MACROD2: variants seen among roughly 807,000 people sequenced by gnomAD.
The protein encoded by MACROD2 is mono-ADP ribosylhydrolase 2.
Under a neutral mutation model 70.4 loss-of-function variants are expected in MACROD2, and 36 were observed. The observed-to-expected ratio is 0.51, with a 90% CI of 0.39 to 0.68. MACROD2 has a LOEUF of 0.68. Ranked by LOEUF, MACROD2 falls within the 30% of genes least tolerant of loss-of-function variation. MACROD2 has a pLI of 0.00. For missense variants in MACROD2, 496 were observed against 538.4 expected (o/e 0.92, Z 0.78); for synonymous variants, 172 against 178.8 (o/e 0.96, Z 0.30).
chr20:14,966,134 A>G (rs2074634240), intron 5 of MACROD2, among the ~76,000 whole-genome samples: 1 of 152,108 alleles, frequency 6.6e-6, no homozygotes, highest in Non-Finnish European at 1.5e-5. Context: ...GTGGTTTTAA[A>G]CTCCATAAGC....
At chr20:14,838,077 C>CTT (rs199589435) in intron 5 of MACROD2, among the ~76,000 whole-genome samples, 1 of 151,724 alleles carries the variant, frequency 6.6e-6, no homozygotes, top group African/African-American at 2.4e-5. Flanking sequence ...TTGTTCAAAG[C>CTT]TTTTTTTTCT....
At chr20:14,751,844 A>AT (rs11087107) in intron 5 of MACROD2, among the ~76,000 whole-genome samples, 87,794 of 151,880 alleles carry the variant, frequency 0.58, 25,833 homozygotes, top group Non-Finnish European at 0.62. Context: ...ACAGTAAAGA[A>AT]TGTGGATATA....
intron 6 of MACROD2, among the ~76,000 whole-genome samples, chr20:15,315,921 C>CA (rs1335678679): frequency 6.6e-6 from 1 of 151,828 alleles, no homozygotes; most frequent in Non-Finnish European, 1.5e-5. Flanking sequence ...ACAATAACAA[C>CA]ATAAAGCAGG....
chr20:14,534,152 G>A (rs1047671586), intron 4 of MACROD2, among the ~76,000 whole-genome samples: 5 of 152,166 alleles, frequency 3.3e-5, no homozygotes, highest in African/African-American at 1.2e-4. Flanking sequence ...TGGAGATCCA[G>A]CTGTGAAAGC....
chr20:14,719,362 C>T (rs2071436071), intron 5 of MACROD2, among the ~76,000 whole-genome samples: 2 of 151,422 alleles, frequency 1.3e-5, no homozygotes, highest in African/African-American at 4.9e-5. Context: ...TTATTTTCTC[C>T]TAGTTTTTCC....
chr20:14,786,409 A>G lies in MACROD2; in HGVS notation c.418+101450A>G, dbSNP rs368226193. ...TTGGTCCTTAACTCTTAATATCCCTATTTCTTCCCTGAGGGAGAGTTTGGC... is the reference window on the plus strand; with the variant it reads ...TTGGTCCTTAACTCTTAATATCCCTGTTTCTTCCCTGAGGGAGAGTTTGGC... On this transcript the variant is annotated intron_variant, in intron 5 of 17. Transcript: ENST00000684519. Among the ~76,000 whole-genome samples, 7 of 152,060 alleles carry G rather than the reference A, an allele frequency of 4.6e-5. No individual in the cohort carries two copies. In the South Asian group the frequency reaches 1.5e-3, roughly 32 times the overall value.
Position 15,986,716 on chromosome 20 carries a change from G to A in MACROD2, c.986-11G>A, listed in dbSNP as rs1280098857. On this transcript the variant is annotated splice_polypyrimidine_tract_variant and intron_variant, in intron 13 of 17. Transcript: ENST00000684519. Reference sequence around the variant, plus strand: ...ACATTTCTTTTATTTTTCAATCACTGTTTTGAACAGGACAAGAGAATGATT... The same window carrying A: ...ACATTTCTTTTATTTTTCAATCACTATTTTGAACAGGACAAGAGAATGATT... 18 of 1,604,232 alleles carry A rather than the reference G, an allele frequency of 1.1e-5. 3 individuals carry two copies. The Middle Eastern group carries it at 2.3e-3, about 207-fold the overall frequency.
intron 5 of MACROD2, among the ~76,000 whole-genome samples, chr20:15,091,061 G>T (rs2075789054): frequency 6.6e-6 from 1 of 151,948 alleles, no homozygotes; most frequent in Non-Finnish European, 1.5e-5. Flanking sequence ...CAAGGATGAG[G>T]TGTAAATGCC....
chr20:14,966,882 A>G (rs566209063), intron 5 of MACROD2, among the ~76,000 whole-genome samples: 2 of 152,240 alleles, frequency 1.3e-5, no homozygotes, highest in Admixed American at 6.5e-5. Flanking sequence ...ATAATTTAAC[A>G]ATTATGTATA....
chr20:15,100,097 T>C (rs538086654), intron 5 of MACROD2, among the ~76,000 whole-genome samples: 2 of 152,172 alleles, frequency 1.3e-5, no homozygotes, highest in South Asian at 4.1e-4. Flanking sequence ...TTTATTTTTC[T>C]TTCTCTCTTT....
intron 10 of MACROD2, among the ~76,000 whole-genome samples, chr20:15,889,350 T>A (rs960167342): frequency 4.6e-5 from 7 of 152,198 alleles, no homozygotes; most frequent in Non-Finnish European, 1.0e-4. Flanking sequence ...CATGAACTCA[T>A]TTAATAAACA....
intron 5 of MACROD2, among the ~76,000 whole-genome samples, chr20:14,734,220 C>T (rs540883240): frequency 5.3e-5 from 8 of 152,004 alleles, no homozygotes; most frequent in South Asian, 4.2e-4. Context: ...AATAAGGGGC[C>T]GGGCGTGGTG....
intron 5 of MACROD2, among the ~76,000 whole-genome samples, chr20:15,189,872 G>T (rs2076559046): frequency 6.6e-6 from 1 of 151,628 alleles, no homozygotes. Context: ...GAACCTCCTG[G>T]CCTGATCCTA....
At chr20:15,657,844 T>C (rs1444837849) in intron 8 of MACROD2, among the ~76,000 whole-genome samples, 6 of 151,944 alleles carry the variant, frequency 3.9e-5, no homozygotes, top group Non-Finnish European at 8.8e-5. Context: ...AATACAAAAT[T>C]AGCTGTGCGT....
intron 5 of MACROD2, chr20:14,893,543 G>A (rs2073790287): frequency 6.6e-6 from 1 of 151,924 alleles, no homozygotes; most frequent in Admixed American, 6.6e-5. Context: ...ATGGAGATTA[G>A]CATATATTAT....
intron 9 of MACROD2, among the ~76,000 whole-genome samples, chr20:15,876,885 T>C (rs1447249764): frequency 2.0e-5 from 3 of 152,206 alleles, no homozygotes; most frequent in Non-Finnish European, 4.4e-5. Context: ...CATTTTTTCA[T>C]GTGTCTGTTG....
chr20:15,451,634 A>AAATT (rs954911792), intron 7 of MACROD2, among the ~76,000 whole-genome samples: 4 of 152,182 alleles, frequency 2.6e-5, no homozygotes, highest in Non-Finnish European at 5.9e-5. Flanking sequence ...CATCCCTGAC[A>AAATT]AATTAATCAC....
At chr20:14,193,675 A>G (rs113850551) in intron 3 of MACROD2, among the ~76,000 whole-genome samples, 1 of 152,208 alleles carries the variant, frequency 6.6e-6, no homozygotes, top group Non-Finnish European at 1.5e-5. Context: ...GAGTGCAGCT[A>G]TAGTCAGAGA....
Position 15,771,323 on chromosome 20 carries a change from C to T in MACROD2, c.646-91422C>T, listed in dbSNP as rs137996792. 5.2e-3 allele frequency among the ~76,000 whole-genome samples: 772 copies of T among 149,304 alleles called. 17 individuals carry two copies. The highest frequency in any genetic ancestry group is 0.019 in the African/African-American group (748 of 39,130). ...CAAGGTAGCTGGGACTATAGGCACA[C>T]ACCACCACACCTGGCTAATTATTAT... On this transcript the variant is annotated intron_variant, in intron 8 of 17. Coordinates refer to ENST00000684519, the MANE Select transcript of MACROD2 (RefSeq NM_001351661.2).
Sources: gnomAD v4.1 joint callset for allele counts (sites outside exome capture counted in the v4.1 genomes callset) on GRCh38, gnomAD v4.1.1 for gene constraint, MANE v1.5 for transcripts, NCBI Gene and HGNC (gene_info 2026-07-23, HGNC 2026-07-21) for gene names.